The following DNAH3 variants were observed in gnomAD, a reference collection of about 807,000 sequenced individuals.
The protein encoded by DNAH3 is axonemal beta dynein heavy chain 3.
DNAH3 carries 332 observed loss-of-function variants against 432.5 expected under a neutral mutation model. The ratio of observed to expected loss-of-function variants is 0.77; its 90% CI spans 0.70 to 0.84. The LOEUF is 0.84. Among genes scored for constraint, DNAH3 ranks in the 40% least tolerant of loss-of-function variants. The pLI is 0.00. For missense variants in DNAH3, 4,861 were observed against 5,114.0 expected (o/e 0.95, Z 1.51); for synonymous variants, 1,956 against 1,900.2 (o/e 1.03, Z -0.76).
intron 44 of DNAH3, among the ~76,000 whole-genome samples, chr16:20,994,504 T>C (rs2086683343): frequency 6.6e-6 from 1 of 152,160 alleles, no homozygotes; most frequent in African/African-American, 2.4e-5. Context: ...AACATAAAAT[T>C]GGCCATTTTA....
chr16:20,934,305 T>C (rs1469350703), intron 61 of DNAH3, among the ~76,000 whole-genome samples: 2 of 152,250 alleles, frequency 1.3e-5, no homozygotes, highest in African/African-American at 4.8e-5. Flanking sequence ...CCTTGTGAAT[T>C]CTTCTACAGA....
intron 41 of DNAH3, among the ~76,000 whole-genome samples, chr16:21,009,864 A>G (rs961189286): frequency 7.1e-6 from 1 of 141,300 alleles, no homozygotes; most frequent in Non-Finnish European, 1.5e-5. Context: ...CAGCCTGGAC[A>G]AGAGAATGAG....
chr16:21,150,652 T>C (rs567888831), intron 1 of DNAH3, 99 bp downstream of exon 1: 2 of 184,514 alleles, frequency 1.1e-5, no homozygotes, highest in Non-Finnish European at 2.3e-5. Flanking sequence ...TTCCCTTGAG[T>C]GCTTCTCTCT....
chr16:21,106,277 ATATGAG>A (rs1271267126), intron 15 of DNAH3, among the ~76,000 whole-genome samples: 1 of 151,882 alleles, frequency 6.6e-6, no homozygotes. Flanking sequence ...ATTACTGTGG[ATATGAG>A]TATAAAATTC....
chr16:20,963,669 G>C, exon 53 of DNAH3: 1 of 1,614,032 alleles, frequency 6.2e-7, no homozygotes, highest in Non-Finnish European at 8.5e-7. Context: ...TGGGGTAGGG[G>C]TTATCCAGTG....
At chr16:21,100,320 C>A (rs2091805191) in intron 16 of DNAH3, among the ~76,000 whole-genome samples, 2 of 152,200 alleles carry the variant, frequency 1.3e-5, no homozygotes, top group African/African-American at 4.8e-5. Flanking sequence ...GATTCGCCCA[C>A]CTTGGCCTCC....
At chr16:20,990,179 G>A (rs1028436569) in intron 44 of DNAH3, among the ~76,000 whole-genome samples, 6 of 152,368 alleles carry the variant, frequency 3.9e-5, no homozygotes, top group African/African-American at 1.4e-4. Context: ...AGGGCTGTGA[G>A]GACTTGCCAG....
intron 7 of DNAH3, chr16:21,134,056 G>A (rs929116426): frequency 1.9e-6 from 1 of 517,180 alleles, no homozygotes; most frequent in African/African-American, 1.9e-5. Flanking sequence ...GGCACAGGGT[G>A]CCCTGGGGAC....
intron 18 of DNAH3, among the ~76,000 whole-genome samples, chr16:21,091,995 A>G (rs185616048): frequency 1.7e-3 from 262 of 152,336 alleles, no homozygotes; most frequent in African/African-American, 6.1e-3. Flanking sequence ...ATATTCCATA[A>G]TCATGGATAG....
chr16:21,124,968 T>C (rs2092417607), intron 9 of DNAH3, among the ~76,000 whole-genome samples: 1 of 152,000 alleles, frequency 6.6e-6, no homozygotes, highest in African/African-American at 2.4e-5. Context: ...ACCATTTGTG[T>C]GTGTGTGTGT....
intron 39 of DNAH3, among the ~76,000 whole-genome samples, chr16:21,023,375 C>T (rs948351443): frequency 6.6e-6 from 1 of 151,992 alleles, no homozygotes; most frequent in Non-Finnish European, 1.5e-5. Context: ...AGTAAAATAC[C>T]TATAGATCAT....
At chr16:21,086,954 C>T in exon 19 of DNAH3, 1 of 1,614,204 alleles carries the variant, frequency 6.2e-7, no homozygotes, top group Non-Finnish European at 8.5e-7. Flanking sequence ...CTGCTAAGCG[C>T]CTGGGTGCAG....
exon 51 of DNAH3, chr16:20,975,398 T>C (rs1426966319): frequency 6.2e-7 from 1 of 1,614,092 alleles, no homozygotes; most frequent in Non-Finnish European, 8.5e-7. Flanking sequence ...CTGTCAGTTC[T>C]CTTTGCATAA....
intron 31 of DNAH3, among the ~76,000 whole-genome samples, chr16:21,047,208 T>A (rs1014969453): frequency 1.4e-5 from 2 of 147,716 alleles, no homozygotes; most frequent in African/African-American, 5.0e-5. Context: ...ATTTCCTGAA[T>A]CTGAACGTTG....
intron 5 of DNAH3, 92 bp downstream of exon 6, chr16:21,140,444 G>A (rs2092704196): frequency 7.4e-7 from 1 of 1,349,304 alleles, no homozygotes; most frequent in Non-Finnish European, 1.0e-6. Flanking sequence ...ACATTTCCCA[G>A]GTGATTCTGC....
intron 7 of DNAH3, among the ~76,000 whole-genome samples, chr16:21,128,557 T>A (rs1481246226): frequency 6.6e-6 from 1 of 151,716 alleles, no homozygotes; most frequent in Non-Finnish European, 1.5e-5. Flanking sequence ...TAGCCGGGTG[T>A]GGTGGCGGGC....
chr16:20,954,315 G>C (rs2084459554), intron 55 of DNAH3, among the ~76,000 whole-genome samples: 1 of 143,838 alleles, frequency 7.0e-6, no homozygotes, highest in African/African-American at 2.6e-5. Context: ...TTTTGAGACA[G>C]GGTCTCACTC....
intron 3 of DNAH3, 109 bp from the exon 5 acceptor site, chr16:21,141,481 G>T (rs1432964756): frequency 4.3e-5 from 33 of 764,638 alleles, no homozygotes; most frequent in Non-Finnish European, 7.1e-5. Context: ...TAAGGGGAGC[G>T]GACATGGTAC....
At position 20,987,398 on chromosome 16, in the gene DNAH3, G is replaced by A. The variant is rs111770788; in HGVS notation, c.6933C>T (p.Phe2311=). ...CCTCCTTGTCAATCAGACGATCATA[G>A]AAGACCCGATAAACCTCATGGATCC... The change falls in exon 47 of 62, where the codon TTC becomes TTT. Residue 2311 remains phenylalanine (F), a synonymous_variant. Coordinates refer to ENST00000261383, the Ensembl canonical transcript of DNAH3. 0.036 allele frequency: 57,445 copies of A among 1,614,110 alleles called. 1,315 individuals are homozygous for A. Among genetic ancestry groups the A allele is most frequent in the Non-Finnish European group, 0.045 (52,787 of 1,180,014 alleles).
Sources: gnomAD v4.1 joint callset for allele counts (sites outside exome capture counted in the v4.1 genomes callset) on GRCh38, gnomAD v4.1.1 for gene constraint, MANE v1.5 for transcripts, NCBI Gene and HGNC (gene_info 2026-07-23, HGNC 2026-07-21) for gene names.